The following KSR2 variants were observed in gnomAD, a reference collection of about 807,000 sequenced individuals.
KSR2 encodes the protein kinase suppressor of ras 2.
In KSR2, 25 loss-of-function variants were observed where a neutral mutation model predicts 107.8. The ratio of observed to expected loss-of-function variants is 0.23; its 90% CI spans 0.17 to 0.32. The LOEUF (loss-of-function observed/expected upper bound fraction) is 0.32. Among genes scored for constraint, KSR2 ranks in the 10% least tolerant of loss-of-function variants. KSR2 has a pLI of 1.00. For missense variants in KSR2, 887 were observed against 1,268.9 expected, an observed-to-expected ratio of 0.70 and a Z score of 4.57; for synonymous variants, 480 against 507.0, an observed-to-expected ratio of 0.95 and a Z score of 0.71.
Position 117,815,990 on chromosome 12 carries a change from A to AGTGTGT in KSR2, c.472+39432_472+39437dup, listed in dbSNP as rs35013081. 1.4e-3 allele frequency among the ~76,000 whole-genome samples: 163 copies of AGTGTGT among 113,618 alleles called. 1 individual carries two copies. Among genetic ancestry groups the AGTGTGT allele is most frequent in the East Asian group, 2.0e-3 (8 of 4,034 alleles). 74.5% of individuals were successfully genotyped at this position (113,618 alleles called of 152,430 possible). ...ACTCTGTCTCAAAAAAAAAAAATAAAGTGTGTGTGTGTGTGTGTGTGTGTG... is the reference window on the plus strand; with the variant it reads ...ACTCTGTCTCAAAAAAAAAAAATAAAGTGTGTGTGTGTGTGTGTGTGTGTGTGTGTG... On this transcript the variant is annotated intron_variant, in intron 3 of 19. Coordinates refer to ENST00000339824, the MANE Select transcript of KSR2 (RefSeq NM_173598.6).
intron 3 of KSR2, among the ~76,000 whole-genome samples, chr12:117,841,683 C>T (rs1892483674): frequency 6.6e-6 from 1 of 152,142 alleles, no homozygotes; most frequent in African/African-American, 2.4e-5. Context: ...CATTCATTCC[C>T]ACCACTTTTT....
Position 117,711,394 on chromosome 12 carries a change from G to A in KSR2, c.987-43736C>T, listed in dbSNP as rs1468740273. ...GCCCTGAGGCAGGAAGCACTTGCAG[G>A]CTGCAGGAACTCATGGAAGACCAAT... is the stretch of plus-strand genomic sequence containing the variant. On this transcript the variant is annotated intron_variant, in intron 4 of 19. Transcript: ENST00000339824. Among the ~76,000 whole-genome samples the A allele has an allele frequency of 2.6e-5, 4 of 152,228 alleles. No individual in the cohort carries two copies. In the East Asian group the frequency reaches 5.8e-4, roughly 22 times the overall value.
chr12:117,572,815 A>T (rs557521414), intron 7 of KSR2, among the ~76,000 whole-genome samples: 1 of 152,310 alleles, frequency 6.6e-6, no homozygotes, highest in African/African-American at 2.4e-5. Flanking sequence ...AGAAATGCAG[A>T]TAGGGGTAGA....
intron 1 of KSR2, among the ~76,000 whole-genome samples, chr12:117,877,199 T>C (rs1893881129): frequency 6.6e-6 from 1 of 152,038 alleles, no homozygotes; most frequent in Non-Finnish European, 1.5e-5. Context: ...TAGCTGGGCA[T>C]GGTGGTGGGC....
chr12:117,677,945 TTG>T (rs1260850528), intron 4 of KSR2, among the ~76,000 whole-genome samples: 1 of 150,298 alleles, frequency 6.7e-6, no homozygotes. Context: ...AGCTCCTTTT[TTG>T]TTTTTGAGAC....
chr12:117,570,829 C>T (rs1211991130), intron 7 of KSR2, among the ~76,000 whole-genome samples: 3 of 152,154 alleles, frequency 2.0e-5, no homozygotes, highest in Non-Finnish European at 4.4e-5. Flanking sequence ...AGTGGCAGGG[C>T]CAGGACCTGA....
intron 4 of KSR2, among the ~76,000 whole-genome samples, chr12:117,668,562 T>C (rs913945340): frequency 6.6e-6 from 1 of 152,156 alleles, no homozygotes; most frequent in African/African-American, 2.4e-5. Flanking sequence ...GGAATTACAC[T>C]ATTCTGGGGC....
intron 5 of KSR2, among the ~76,000 whole-genome samples, chr12:117,648,971 C>T (rs1383315647): frequency 1.3e-5 from 2 of 152,178 alleles, no homozygotes; most frequent in Admixed American, 6.5e-5. Flanking sequence ...TCTACGCTGC[C>T]TGTCTGTTTG....
rs564312604 is a variant in KSR2, at chr12:117,748,721, C to T, written c.986+12290G>A. Among the ~76,000 whole-genome samples, 5 of 152,280 alleles carry T rather than the reference C, an allele frequency of 3.3e-5. No homozygotes were observed. In the East Asian group the frequency reaches 9.7e-4, roughly 29 times the overall value. ...TTTTGTGTTAGTGAAAATGTGTCCACATAGCTGTGCAAGAGCTTAATGCAA... is the reference window on the plus strand; with the variant it reads ...TTTTGTGTTAGTGAAAATGTGTCCATATAGCTGTGCAAGAGCTTAATGCAA... On this transcript the variant is annotated intron_variant, in intron 4 of 19. Transcript: ENST00000339824.
At chr12:117,710,772 TA>T (rs1335249566) in intron 4 of KSR2, among the ~76,000 whole-genome samples, 8 of 152,190 alleles carry the variant, frequency 5.3e-5, no homozygotes, top group Admixed American at 4.6e-4. Context: ...ATGATGGTGA[TA>T]TTTTTTTAAT....
intron 4 of KSR2, among the ~76,000 whole-genome samples, chr12:117,753,109 A>C (rs1281849421): frequency 6.6e-6 from 1 of 152,252 alleles, no homozygotes; most frequent in Non-Finnish European, 1.5e-5. Flanking sequence ...GGGATTCTTG[A>C]TAACTCTCCA....
At chr12:117,738,247 A>T (rs1486501049) in intron 4 of KSR2, among the ~76,000 whole-genome samples, 1 of 152,218 alleles carries the variant, frequency 6.6e-6, no homozygotes, top group Admixed American at 6.5e-5. Flanking sequence ...CACTAACAGC[A>T]TCCACTTCAT....
At chr12:117,944,497 TGTACA>T in intron 1 of KSR2, among the ~76,000 whole-genome samples, 1 of 152,084 alleles carries the variant, frequency 6.6e-6, no homozygotes, top group Non-Finnish European at 1.5e-5. Flanking sequence ...ATCATTCGAT[TGTACA>T]GTTTAAATGG....
At chr12:117,898,643 T>G (rs796519231) in intron 1 of KSR2, among the ~76,000 whole-genome samples, 2 of 152,118 alleles carry the variant, frequency 1.3e-5, no homozygotes, top group African/African-American at 4.8e-5. Context: ...AAAAAAAATT[T>G]TGTGGGTACA....
intron 14 of KSR2, among the ~76,000 whole-genome samples, chr12:117,496,495 G>T (rs1201582230): frequency 6.6e-6 from 1 of 152,016 alleles, no homozygotes; most frequent in Non-Finnish European, 1.5e-5. Flanking sequence ...TTCAAGATCC[G>T]CCCACTTGTA....
chr12:117,651,804 T>C (rs1383111010), intron 5 of KSR2, among the ~76,000 whole-genome samples: 2 of 152,130 alleles, frequency 1.3e-5, no homozygotes, highest in African/African-American at 4.8e-5. Context: ...TCTTATGAAA[T>C]AGATTTGGGA....
chr12:117,736,825 A>AAAAG (rs1565987451), intron 4 of KSR2, among the ~76,000 whole-genome samples: 1 of 150,352 alleles, frequency 6.7e-6, no homozygotes. Context: ...AAAAAAAAAA[A>AAAAG]AAGAAAAGAA....
chr12:117,804,927 G>A (rs1384805270), intron 3 of KSR2, among the ~76,000 whole-genome samples: 3 of 152,140 alleles, frequency 2.0e-5, no homozygotes, highest in Non-Finnish European at 4.4e-5. Context: ...CAGACCTCTT[G>A]GGGTACCTTA....
In KSR2 at chr12:117,667,409, C is replaced by A. The variant is rs1032853366; in HGVS notation, c.1171+65G>T. On this transcript the variant is annotated intron_variant, in intron 5 of 19. Transcript: ENST00000339824. ...AGTTTGCACCTGGCACAGAGGACAG[C>A]AGGTGCTGGGGAGAAGGAGGTGGCA... The A allele has an allele frequency of 5.5e-6, 8 of 1,453,740 alleles. No homozygotes were observed. In the African/African-American group the frequency reaches 1.1e-4, roughly 20 times the overall value. The allele number at this position is 1,453,740 out of a possible 1,614,324, so 90.1% of individuals were successfully genotyped here. A position where few individuals can be genotyped will look rare whatever the true frequency, so the allele number is the denominator to read the frequency against.
Sources: allele counts gnomAD v4.1 joint callset (sites outside exome capture counted in the v4.1 genomes callset), GRCh38; gene constraint gnomAD v4.1.1; transcripts MANE v1.5; gene names NCBI Gene and HGNC (gene_info 2026-07-23, HGNC 2026-07-21).